The following DPYD variants were observed in gnomAD, a reference collection of about 807,000 sequenced individuals.
The protein encoded by DPYD is dihydropyrimidine dehydrogenase, also known as dihydropyrimidine dehydrogenase [NADP(+)].
In DPYD, 109 loss-of-function variants were observed where a neutral mutation model predicts 116.2. The observed-to-expected ratio is 0.94, with a 90% CI of 0.80 to 1.10. DPYD has a LOEUF of 1.10. Ranked by LOEUF, DPYD falls within the 50% of genes least tolerant of loss-of-function variation. The pLI is 0.00. For synonymous variants in DPYD, 440 were observed against 432.0 expected (o/e 1.02, Z -0.23); for missense variants, 1,302 against 1,254.5 (o/e 1.04, Z -0.57).
intron 16 of DPYD, among the ~76,000 whole-genome samples, chr1:97,340,917 T>C (rs1218889690): frequency 7.9e-5 from 12 of 152,146 alleles, no homozygotes; most frequent in Admixed American, 7.9e-4. Context: ...CTTGGCAATT[T>C]CCCCCAAAAT....
At chr1:97,412,597 T>C (rs1674067954) in intron 14 of DPYD, among the ~76,000 whole-genome samples, 2 of 152,342 alleles carry the variant, frequency 1.3e-5, no homozygotes, top group Admixed American at 1.3e-4. Context: ...TAAGCATACC[T>C]TTGTCTTAGA....
intron 3 of DPYD, among the ~76,000 whole-genome samples, chr1:97,751,145 A>G (rs1171019382): frequency 1.3e-5 from 2 of 152,002 alleles, no homozygotes; most frequent in Non-Finnish European, 2.9e-5. Flanking sequence ...AACAACAGAA[A>G]TAATTCAACT....
At chr1:97,534,251 T>A (rs888521011) in intron 12 of DPYD, among the ~76,000 whole-genome samples, 1 of 152,144 alleles carries the variant, frequency 6.6e-6, no homozygotes, top group Non-Finnish European at 1.5e-5. Context: ...ACAGTGACTG[T>A]TCAATATATG....
At chr1:97,394,214 T>C (rs1672885659) in intron 14 of DPYD, 1 of 152,130 alleles carries the variant, frequency 6.6e-6, no homozygotes, top group Non-Finnish European at 1.5e-5. Context: ...ATGAGCAGAT[T>C]GTAAAAATTT....
intron 1 of DPYD, among the ~76,000 whole-genome samples, chr1:97,887,472 A>T (rs1450543868): frequency 5.7e-4 from 5 of 8,800 alleles, no homozygotes; most frequent in African/African-American, 2.5e-4. Context: ...TCTGCATTAA[A>T]AAAAAAAAAA....
At chr1:97,457,385 G>T (rs1188685624) in intron 13 of DPYD, among the ~76,000 whole-genome samples, 1 of 152,070 alleles carries the variant, frequency 6.6e-6, no homozygotes, top group Non-Finnish European at 1.5e-5. Context: ...ATTTATGTCT[G>T]ACTGATAAAA....
intron 12 of DPYD, among the ~76,000 whole-genome samples, chr1:97,537,895 C>G (rs1432207925): frequency 6.6e-6 from 1 of 152,076 alleles, no homozygotes; most frequent in East Asian, 1.9e-4. Flanking sequence ...TTTAAAAGTT[C>G]AGGACCAGCC....
chr1:97,635,732 T>G (rs1344002397), intron 8 of DPYD, among the ~76,000 whole-genome samples: 2 of 152,076 alleles, frequency 1.3e-5, no homozygotes, highest in Non-Finnish European at 2.9e-5. Context: ...GACATTCTCA[T>G]TAACTCAACT....
At chr1:97,213,211 A>G (rs1015039383) in intron 19 of DPYD, among the ~76,000 whole-genome samples, 2 of 152,072 alleles carry the variant, frequency 1.3e-5, no homozygotes, top group Non-Finnish European at 2.9e-5. Context: ...ATTCCAACAT[A>G]TACATTTTGG....
intron 13 of DPYD, among the ~76,000 whole-genome samples, chr1:97,481,161 G>A (rs964986172): frequency 6.6e-6 from 1 of 152,126 alleles, no homozygotes; most frequent in Non-Finnish European, 1.5e-5. Flanking sequence ...AAAGAAAAAT[G>A]TAAGTAATGA....
At chr1:97,566,794 A>T (rs1324389846) in intron 11 of DPYD, among the ~76,000 whole-genome samples, 1 of 152,168 alleles carries the variant, frequency 6.6e-6, no homozygotes, top group African/African-American at 2.4e-5. Context: ...AGCTTCTATA[A>T]GATATGTTTT....
intron 20 of DPYD, among the ~76,000 whole-genome samples, chr1:97,109,762 T>C (rs556065204): frequency 6.6e-6 from 1 of 152,132 alleles, no homozygotes; most frequent in Non-Finnish European, 1.5e-5. Flanking sequence ...TGGAATGAAA[T>C]GATCATCATT....
At chr1:97,658,854 A>AATT (rs1659091406) in intron 8 of DPYD, among the ~76,000 whole-genome samples, 2 of 152,182 alleles carry the variant, frequency 1.3e-5, no homozygotes, top group African/African-American at 4.8e-5. Context: ...AAGACTAAAA[A>AATT]ATTGGACTGT....
rs1557911609 is a variant in DPYD, at chr1:97,725,781, C to CA, written c.322-4111dup. 2.0e-5 allele frequency among the ~76,000 whole-genome samples: 3 copies of CA among 151,482 alleles called. No individual in the cohort carries two copies. In the South Asian group the frequency reaches 6.2e-4, roughly 31 times the overall value. ...AAGTTTGACCCTATCTCACACCAAA[C>CA]AAAAAAATGAACTAAAAGTAAATCA... On this transcript the variant is annotated intron_variant, in intron 4 of 22. Transcript: ENST00000370192.
chr1:97,919,832 T>C (rs1476012955), intron 1 of DPYD, among the ~76,000 whole-genome samples: 3 of 152,336 alleles, frequency 2.0e-5, no homozygotes, highest in Admixed American at 2.0e-4. Flanking sequence ...AACCAAGTTA[T>C]GGAGCCTGGA....
At chr1:97,594,977 C>T in intron 9 of DPYD, 82 bp downstream of exon 9, 2 of 1,093,034 alleles carry the variant, frequency 1.8e-6, no homozygotes, top group Non-Finnish European at 2.7e-6. Flanking sequence ...GAACAATGTG[C>T]TGCTGAGCTT....
intron 5 of DPYD, among the ~76,000 whole-genome samples, chr1:97,701,027 A>G (rs1027001963): frequency 2.0e-5 from 3 of 151,046 alleles, no homozygotes; most frequent in African/African-American, 7.3e-5. Context: ...AAATGTCAAC[A>G]TGAGAAATTA....
chr1:97,348,781 G>A (rs1466753997), intron 16 of DPYD, among the ~76,000 whole-genome samples: 2 of 152,264 alleles, frequency 1.3e-5, no homozygotes, highest in African/African-American at 4.8e-5. Flanking sequence ...GAGCTGTCAT[G>A]TGTGACACAA....
intron 11 of DPYD, among the ~76,000 whole-genome samples, chr1:97,560,121 G>A (rs1004327575): frequency 6.6e-6 from 1 of 152,078 alleles, no homozygotes; most frequent in African/African-American, 2.4e-5. Context: ...CTGCAACTTG[G>A]GATCAAATAA....
Sources: gnomAD v4.1 joint callset for allele counts (sites outside exome capture counted in the v4.1 genomes callset) on GRCh38, gnomAD v4.1.1 for gene constraint, MANE v1.5 for transcripts, NCBI Gene and HGNC (gene_info 2026-07-23, HGNC 2026-07-21) for gene names.